NFASC: variants seen among roughly 807,000 people sequenced by gnomAD.
NFASC encodes the protein neurofascin, also known as neurofascin homolog.
In NFASC, 43 loss-of-function variants were observed where a neutral mutation model predicts 147.5. That is an observed-to-expected ratio of 0.29 (90% CI 0.23 to 0.38). NFASC has a LOEUF of 0.38. Ranked by LOEUF, NFASC falls within the 10% of genes least tolerant of loss-of-function variation. The probability of loss-of-function intolerance (pLI) is 1.00; values close to 1 mark genes in which losing one functional copy is unlikely to be tolerated. For missense variants in NFASC, 1,320 were observed against 1,689.0 expected (o/e 0.78, Z 3.83); for synonymous variants, 622 against 665.5 (o/e 0.93, Z 1.01).
intron 1 of NFASC, among the ~76,000 whole-genome samples, chr1:204,867,396 C>G (rs932004724): frequency 3.6e-5 from 5 of 137,116 alleles, no homozygotes; most frequent in African/African-American, 1.4e-4. Flanking sequence ...CATAGTCATA[C>G]TATCAGAACT....
At chr1:204,997,060 A>G in intron 24 of NFASC, 110 bp from the exon 25 acceptor site, 2 of 1,516,918 alleles carry the variant, frequency 1.3e-6, no homozygotes, top group South Asian at 2.6e-5. Context: ...GCTCCTGATG[A>G]CTAAGCCCCG....
intron 2 of NFASC, among the ~76,000 whole-genome samples, chr1:204,931,877 C>T (rs1294076799): frequency 6.6e-6 from 1 of 152,124 alleles, no homozygotes; most frequent in African/African-American, 2.4e-5. Flanking sequence ...TATTCTAACA[C>T]AAAAACAGTC....
At chr1:204,964,383 A>T (rs2094838238) in intron 8 of NFASC, among the ~76,000 whole-genome samples, 1 of 152,244 alleles carries the variant, frequency 6.6e-6, no homozygotes, top group African/African-American at 2.4e-5. Context: ...TGAAATTAAG[A>T]AGGACAGACA....
At chr1:204,890,565 CT>C (rs35035513) in intron 1 of NFASC, among the ~76,000 whole-genome samples, 23,592 of 145,806 alleles carry the variant, frequency 0.16, 2,823 homozygotes, top group East Asian at 0.55. Flanking sequence ...CAGGGAGGCA[CT>C]TTTTTTTTTT....
chr1:204,901,909 C>T (rs1361608654), intron 1 of NFASC, among the ~76,000 whole-genome samples: 1 of 152,036 alleles, frequency 6.6e-6, no homozygotes, highest in African/African-American at 2.4e-5. Context: ...CAGACGGATG[C>T]GTGAGGGGGC....
chr1:205,019,628 A>C lies in NFASC; in HGVS notation c.*3089A>C, dbSNP rs2096386666. 1 of 152,222 alleles carries C rather than the reference A, an allele frequency of 6.6e-6. No individual in the cohort carries two copies. The highest frequency in any genetic ancestry group is 6.5e-5 in the Admixed American group (1 of 15,278). The allele number at this position is 152,222 out of a possible 1,614,324, so 9.4% of individuals were successfully genotyped here. On this transcript the variant is annotated 3_prime_UTR_variant, in exon 30 of 30. Coordinates refer to ENST00000339876, the MANE Select transcript of NFASC (RefSeq NM_001005388.3). ...AATCAAGTGCTAGGACACAGTGGCC[A>C]TTGAGCTGGGAGCATTCTTCCCTCT... is the stretch of plus-strand genomic sequence containing the variant.
intron 1 of NFASC, among the ~76,000 whole-genome samples, chr1:204,920,197 T>G (rs1421057366): frequency 1.3e-5 from 2 of 152,202 alleles, no homozygotes; most frequent in Non-Finnish European, 2.9e-5. Context: ...TTATTTATGG[T>G]GAGCTTGGTT....
chr1:204,973,533 G>A, intron 12 of NFASC, 114 bp downstream of exon 12: 1 of 1,341,438 alleles, frequency 7.5e-7, no homozygotes, highest in Non-Finnish European at 1.0e-6. Flanking sequence ...GCCAAGCTGG[G>A]TGAGGTAAGA....
chr1:204,988,718 G>A lies in NFASC; in HGVS notation c.2679G>A (p.Val893=). The A allele has an allele frequency of 6.2e-7, 1 of 1,614,246 alleles. No homozygotes were observed. The highest frequency in any genetic ancestry group is 8.5e-7 in the Non-Finnish European group (1 of 1,180,048). The change falls in exon 23 of 30, where the codon GTG becomes GTA. Residue 893 remains valine, a synonymous_variant. Transcript: ENST00000339876. Reference sequence around the variant, plus strand: ...TCACGGTGCAAAGAACGGACCCCGTGTCACGCTACCGCTTTACCCTCAGCG... The same window carrying A: ...TCACGGTGCAAAGAACGGACCCCGTATCACGCTACCGCTTTACCCTCAGCG... ...TKFTVQRTDP[V]SRYRFTLSAR...
intron 1 of NFASC, among the ~76,000 whole-genome samples, chr1:204,877,369 A>G (rs1362596750): frequency 1.3e-5 from 2 of 152,020 alleles, no homozygotes; most frequent in African/African-American, 4.8e-5. Context: ...GAACCAGTGC[A>G]TGGTCAGTGG....
intron 3 of NFASC, chr1:204,946,480 GCCCCACA>G (rs972959628): frequency 5.1e-5 from 21 of 415,224 alleles, no homozygotes; most frequent in Middle Eastern, 6.9e-4. Context: ...CCCGGAGCAT[GCCCCACA>G]CACATGGCAC....
intron 2 of NFASC, among the ~76,000 whole-genome samples, chr1:204,922,551 C>T (rs1295136759): frequency 1.3e-5 from 2 of 152,172 alleles, no homozygotes; most frequent in Non-Finnish European, 2.9e-5. Flanking sequence ...TCATCATTCC[C>T]ATTTGATTGG....
chr1:204,880,221 C>T (rs774362847), intron 1 of NFASC, among the ~76,000 whole-genome samples: 5 of 152,096 alleles, frequency 3.3e-5, no homozygotes, highest in Non-Finnish European at 5.9e-5. Flanking sequence ...GCTCTACCTG[C>T]GTGAGCTAAG....
intron 5 of NFASC, among the ~76,000 whole-genome samples, chr1:204,953,360 G>A (rs530170766): frequency 7.9e-5 from 12 of 152,258 alleles, no homozygotes; most frequent in Admixed American, 3.3e-4. Context: ...GCAGTGGTGC[G>A]ATCTTGGCTC....
intron 1 of NFASC, chr1:204,870,675 G>C (rs934207836): frequency 9.3e-7 from 1 of 1,077,586 alleles, no homozygotes; most frequent in African/African-American, 1.7e-5. Flanking sequence ...AGCGGTGAGC[G>C]AGTGAGCAAG....
At chr1:204,997,126 C>T (rs2095861510) in intron 24 of NFASC, 44 bp from the exon 25 acceptor site, 1 of 1,578,914 alleles carries the variant, frequency 6.3e-7, no homozygotes, top group Admixed American at 1.7e-5. Context: ...AGGCTGGGCA[C>T]AGCCAAACCA....
At chr1:204,999,056 T>C (rs1370813009) in intron 25 of NFASC, 2 of 152,266 alleles carry the variant, frequency 1.3e-5, no homozygotes, top group East Asian at 3.8e-4. Flanking sequence ...TGGAAAAAGA[T>C]GTTTCATAAG....
At chr1:205,013,418 G>T (rs1003920682) in intron 29 of NFASC, among the ~76,000 whole-genome samples, 5 of 152,282 alleles carry the variant, frequency 3.3e-5, no homozygotes, top group African/African-American at 1.2e-4. Flanking sequence ...CCTTGGAAAG[G>T]CTTCTGGTCC....
rs546683755 is a variant in NFASC, at chr1:204,943,794, G to A, written c.-90-432G>A. On this transcript the variant is annotated intron_variant, in intron 2 of 29. Transcript: ENST00000339876. ...AGATTGGTGCATTTCTTACCAGATC[G>A]GTGCATGGCATCTTCTGGTTGCTGG... is the stretch of plus-strand genomic sequence containing the variant. Among the ~76,000 whole-genome samples, 72 of 152,298 alleles carry A rather than the reference G, an allele frequency of 4.7e-4. No homozygotes were observed. The Middle Eastern group carries it at 0.01, about 22-fold the overall frequency.
Sources: gnomAD v4.1 joint callset for allele counts (sites outside exome capture counted in the v4.1 genomes callset) on GRCh38, gnomAD v4.1.1 for gene constraint, MANE v1.5 for transcripts, NCBI Gene and HGNC (gene_info 2026-07-23, HGNC 2026-07-21) for gene names.